The following ITGB5 variants were observed in gnomAD, a reference collection of about 807,000 sequenced individuals.
The protein encoded by ITGB5 is integrin beta-5.
In ITGB5, 38 loss-of-function variants were observed where a neutral mutation model predicts 84.8. The ratio of observed to expected loss-of-function variants is 0.45; its 90% confidence interval spans 0.35 to 0.59. The LOEUF (loss-of-function observed/expected upper bound fraction) is 0.59. Ranked by LOEUF, ITGB5 falls within the 20% of genes least tolerant of loss-of-function variation. The pLI is 0.01. For missense variants in ITGB5, 905 were observed against 1,034.5 expected (o/e 0.87, Z 1.72); for synonymous variants, 393 against 414.4 (o/e 0.95, Z 0.63).
intron 4 of ITGB5, among the ~76,000 whole-genome samples, chr3:124,843,293 C>G (rs2065034539): frequency 6.6e-6 from 1 of 152,232 alleles, no homozygotes; most frequent in South Asian, 2.1e-4. Context: ...CCCCCTCTCT[C>G]TTCCTCCAAG....
At chr3:124,833,282 T>C (rs1158756463) in intron 5 of ITGB5, among the ~76,000 whole-genome samples, 1 of 152,212 alleles carries the variant, frequency 6.6e-6, no homozygotes, top group East Asian at 1.9e-4. Flanking sequence ...TTATAGAACA[T>C]TTTGGAATGA....
At chr3:124,810,041 C>A (rs60898571) in intron 8 of ITGB5, among the ~76,000 whole-genome samples, 1,596 of 152,212 alleles carry the variant, frequency 0.01, 22 homozygotes, top group African/African-American at 0.037. Context: ...AAGACATGGA[C>A]AAGAATGTTT....
At chr3:124,898,587 T>C (rs1415014095) in intron 1 of ITGB5, among the ~76,000 whole-genome samples, 1 of 127,646 alleles carries the variant, frequency 7.8e-6, no homozygotes, top group Non-Finnish European at 1.5e-5. Flanking sequence ...GAGTTTGCAG[T>C]GAGCCAAGAT....
chr3:124,783,290 CAAAAAAAAAAA>C (rs758967509), intron 10 of ITGB5, among the ~76,000 whole-genome samples: 1 of 56,988 alleles, frequency 1.8e-5, no homozygotes, highest in Non-Finnish European at 3.6e-5. Flanking sequence ...GACTCCGTCT[CAAAAAAAAAAA>C]AAAAAAAAAA....
intron 1 of ITGB5, among the ~76,000 whole-genome samples, chr3:124,896,036 T>G (rs1483384366): frequency 1.3e-5 from 2 of 152,196 alleles, no homozygotes; most frequent in Non-Finnish European, 2.9e-5. Flanking sequence ...TAACCTGATA[T>G]GCCGACTAAA....
chr3:124,878,955 G>A (rs955919910), intron 1 of ITGB5, among the ~76,000 whole-genome samples: 2 of 152,150 alleles, frequency 1.3e-5, no homozygotes, highest in African/African-American at 4.8e-5. Flanking sequence ...CAGCTCGGTG[G>A]CAACTCCATG....
upstream of ITGB5, among the ~76,000 whole-genome samples, chr3:124,891,979 G>A (rs897176015): frequency 3.3e-5 from 5 of 151,996 alleles, no homozygotes; most frequent in African/African-American, 7.2e-5. Context: ...GAGTGAGGAA[G>A]AGAGGGAAAG....
chr3:124,851,848 T>A (rs2065161046), intron 3 of ITGB5, among the ~76,000 whole-genome samples: 1 of 152,158 alleles, frequency 6.6e-6, no homozygotes. Flanking sequence ...CAGCAGATCC[T>A]GGAGGGACTG....
chr3:124,898,643 CAAAAAAA>C (rs68025034), intron 1 of ITGB5, among the ~76,000 whole-genome samples: 6 of 29,272 alleles, frequency 2.0e-4, no homozygotes, highest in South Asian at 4.1e-3. Flanking sequence ...GACTCCGTCT[CAAAAAAA>C]AAAAAAAAAA....
At chr3:124,886,299 G>A (rs1190273035) in intron 1 of ITGB5, among the ~76,000 whole-genome samples, 1 of 134,526 alleles carries the variant, frequency 7.4e-6, no homozygotes, top group African/African-American at 2.7e-5. Context: ...GGACGCGGGT[G>A]CCCCCTCGGG....
intron 1 of ITGB5, among the ~76,000 whole-genome samples, chr3:124,882,799 G>C (rs1041851968): frequency 6.6e-6 from 1 of 152,182 alleles, no homozygotes; most frequent in African/African-American, 2.4e-5. Flanking sequence ...GCTGGAGTTG[G>C]GGAGGGAATC....
chr3:124,841,942 T>G (rs2065017093), intron 4 of ITGB5, among the ~76,000 whole-genome samples: 1 of 152,162 alleles, frequency 6.6e-6, no homozygotes, highest in Non-Finnish European at 1.5e-5. Context: ...GGAACATGGA[T>G]GATGCCCAGT....
intron 3 of ITGB5, 113 bp from the exon 4 acceptor site, chr3:124,848,671 T>C: frequency 8.5e-7 from 1 of 1,171,098 alleles, no homozygotes; most frequent in South Asian, 1.5e-5. Flanking sequence ...AGTGATTGTG[T>C]GCCTCACAGA....
chr3:124,787,450 T>C (rs1579197881), intron 10 of ITGB5: 1 of 152,172 alleles, frequency 6.6e-6, no homozygotes. Flanking sequence ...AGATGATTCA[T>C]GTTCCCATTC....
intron 10 of ITGB5, among the ~76,000 whole-genome samples, chr3:124,785,219 T>C (rs960567619): frequency 6.6e-6 from 1 of 152,180 alleles, no homozygotes. Context: ...ACCAATCTCC[T>C]GGCACAGTAA....
At chr3:124,805,754 CT>C (rs202067672) in intron 9 of ITGB5, among the ~76,000 whole-genome samples, 5,077 of 146,678 alleles carry the variant, frequency 0.035, 278 homozygotes, top group African/African-American at 0.12. Context: ...GCCTGGCGGA[CT>C]TTTTTTTTTT....
intron 9 of ITGB5, among the ~76,000 whole-genome samples, chr3:124,797,499 T>C (rs1044536218): frequency 3.0e-4 from 45 of 152,240 alleles, no homozygotes; most frequent in African/African-American, 9.4e-4. Flanking sequence ...AAATGCACCA[T>C]GCACATGGAC....
Position 124,763,561 on chromosome 3 carries a change from C to T in ITGB5, c.*62G>A. On this transcript the variant is annotated 3_prime_UTR_variant, in exon 15 of 15. Coordinates refer to ENST00000296181, the MANE Select transcript of ITGB5 (RefSeq NM_002213.5). ...GCTGTGATCAAGCCGAGCAGCCGTGCAAGGCGTTTCAGTCTGACCTTTTCA... is the reference window on the plus strand; with the variant it reads ...GCTGTGATCAAGCCGAGCAGCCGTGTAAGGCGTTTCAGTCTGACCTTTTCA... 2.0e-6 allele frequency: 2 copies of T among 1,008,500 alleles called. No homozygotes were observed. The highest frequency in any genetic ancestry group is 3.1e-6 in the Non-Finnish European group (2 of 635,394). 62.5% of individuals were successfully genotyped at this position (1,008,500 alleles called of 1,614,324 possible).
intron 12 of ITGB5, 101 bp downstream of exon 12, chr3:124,768,912 C>T (rs2063802996): frequency 1.2e-6 from 1 of 824,838 alleles, no homozygotes; most frequent in Non-Finnish European, 2.0e-6. Context: ...ACAGTTATGC[C>T]CAGGAAGCCT....
Sources: gnomAD v4.1 joint callset for allele counts (sites outside exome capture counted in the v4.1 genomes callset) on GRCh38, gnomAD v4.1.1 for gene constraint, MANE v1.5 for transcripts, NCBI Gene and HGNC (gene_info 2026-07-23, HGNC 2026-07-21) for gene names.